The following LAMA3 variants were observed in gnomAD, a reference collection of about 807,000 sequenced individuals.
LAMA3 encodes the protein laminin subunit alpha 3.
LAMA3 carries 281 observed loss-of-function variants against 402.0 expected under a neutral mutation model. The ratio of observed to expected loss-of-function variants is 0.70; its 90% CI spans 0.63 to 0.77. The LOEUF (loss-of-function observed/expected upper bound fraction) is 0.77. Ranked by LOEUF, LAMA3 falls within the 30% of genes least tolerant of loss-of-function variation. The pLI, the probability that LAMA3 is intolerant of heterozygous loss-of-function variation, is 0.00. For synonymous variants in LAMA3, 1,431 were observed against 1,558.4 expected, an observed-to-expected ratio of 0.92 and a Z score of 1.93; for missense variants, 3,840 against 4,215.5, an observed-to-expected ratio of 0.91 and a Z score of 2.47.
Position 23,689,617 on chromosome 18 carries a change from G to A in LAMA3, c.-67G>A, listed in dbSNP as rs530324725. On this transcript the variant is annotated 5_prime_UTR_variant, in exon 1 of 75. Transcript: ENST00000313654. The stretch of plus-strand genomic sequence containing the variant: ...GGCGCTGCAGGTCCGGGAGGCGCAG[G>A]CGGAGAGCGGCGGTGCCCCCGAGCC... 8.2e-7 allele frequency: 1 copy of A among 1,225,520 alleles called. No individual in the cohort carries two copies. Among genetic ancestry groups the A allele is most frequent in the African/African-American group, 1.6e-5 (1 of 63,868 alleles). 75.9% of individuals were successfully genotyped at this position (1,225,520 alleles called of 1,614,324 possible). A position where few individuals can be genotyped will look rare whatever the true frequency, so the allele number is the denominator to read the frequency against.
intron 67 of LAMA3, among the ~76,000 whole-genome samples, chr18:23,937,901 C>T (rs937451651): frequency 1.3e-5 from 2 of 152,178 alleles, no homozygotes; most frequent in Non-Finnish European, 2.9e-5. Context: ...AAAACCCACT[C>T]CTGAAGGAAT....
intron 2 of LAMA3, among the ~76,000 whole-genome samples, chr18:23,728,805 C>T (rs191490282): frequency 7.3e-4 from 111 of 152,014 alleles, no homozygotes; most frequent in African/African-American, 2.5e-3. Flanking sequence ...CCGAGGCAGG[C>T]GGGTCACCTG....
chr18:23,826,004 T>C (rs1225323495), intron 21 of LAMA3, among the ~76,000 whole-genome samples: 1 of 152,216 alleles, frequency 6.6e-6, no homozygotes, highest in Non-Finnish European at 1.5e-5. Flanking sequence ...TACATTTCTG[T>C]CTGAGGAGAG....
intron 57 of LAMA3, 22 bp downstream of exon 57, chr18:23,914,583 C>G: frequency 6.2e-7 from 1 of 1,613,404 alleles, no homozygotes; most frequent in Non-Finnish European, 8.5e-7. Context: ...ATTGACTGTA[C>G]CTGTGCTCAC....
chr18:23,762,854 A>C, intron 7 of LAMA3, among the ~76,000 whole-genome samples: 1 of 121,648 alleles, frequency 8.2e-6, no homozygotes. Flanking sequence ...AGTAGTATAT[A>C]TATATATTTT....
intron 70 of LAMA3, chr18:23,946,540 T>G: frequency 4.1e-6 from 2 of 492,776 alleles, no homozygotes; most frequent in East Asian, 3.7e-5. Context: ...TTCCTAAACC[T>G]GAATCTATTG....
chr18:23,696,955 G>C (rs147032941), intron 1 of LAMA3, among the ~76,000 whole-genome samples: 100 of 152,290 alleles, frequency 6.6e-4, no homozygotes, highest in Middle Eastern at 3.4e-3. Flanking sequence ...CTCCACATGT[G>C]ACTGTCACTG....
chr18:23,898,448 T>A (rs1429957844), intron 44 of LAMA3: 3 of 367,000 alleles, frequency 8.2e-6, no homozygotes, highest in Non-Finnish European at 1.5e-5. Context: ...TGGAAATTAA[T>A]CAGGTAAGTA....
At chr18:23,882,111 G>A in intron 40 of LAMA3, 66 bp downstream of exon 40, 3 of 1,002,946 alleles carry the variant, frequency 3.0e-6, no homozygotes, top group South Asian at 1.3e-5. Flanking sequence ...TAGGACTAGG[G>A]GTGGGAGAGC....
chr18:23,840,222 G>A (rs2063667676), intron 27 of LAMA3, among the ~76,000 whole-genome samples: 1 of 152,024 alleles, frequency 6.6e-6, no homozygotes, highest in African/African-American at 2.4e-5. Context: ...TCCCTCCTGG[G>A]CTTTGTCCAC....
rs373464847 is a variant in LAMA3, at chr18:23,901,216, G to A, written c.6094G>A (p.Glu2032Lys). The A allele has an allele frequency of 1.5e-5, 24 of 1,614,020 alleles. No homozygotes were observed. Among genetic ancestry groups the A allele is most frequent in the East Asian group, 2.2e-5 (1 of 44,896 alleles). Residue 2032 changes from glutamate to lysine, a missense_variant, in exon 48 of 75, where the codon GAA (glutamate) becomes AAA (lysine). Around this residue, in one of 3 missense-constraint regions of LAMA3, gnomAD observed 891 missense variants for 857.5 expected, o/e 1.04. Coordinates refer to ENST00000313654, the MANE Select transcript of LAMA3 (RefSeq NM_198129.4). ...NSIRDSLNEYEAKLSDLRARL... is the reference protein window; with the variant it reads ...NSIRDSLNEYKAKLSDLRARL... ...TATCCGGGATTCTTTAAATGAATAC[G>A]AAGCCAAACTCAGTGACCTTCGTGC...
At position 23,819,915 on chromosome 18, in the gene LAMA3, GGA is replaced by G. The variant is rs779599538; in HGVS notation, c.2227_2228del (p.Asp743ProfsTer6). The G allele has an allele frequency of 1.2e-6, 2 of 1,614,090 alleles. No homozygotes were observed. The highest frequency in any genetic ancestry group is 1.7e-6 in the Non-Finnish European group (2 of 1,179,994). ...ATTGAAGACGGCAGCACACCTAATG[GGA>G]GAGACCTTCGATTTGGATTTGATCC... On this transcript the variant is annotated frameshift_variant, in exon 19 of 75. Transcript: ENST00000313654. LOFTEE classifies it high-confidence loss of function.
At chr18:23,948,524 T>C (rs1346556249) in intron 70 of LAMA3, among the ~76,000 whole-genome samples, 1 of 152,184 alleles carries the variant, frequency 6.6e-6, no homozygotes, top group Non-Finnish European at 1.5e-5. Flanking sequence ...TAGTTTACTG[T>C]TGATGCTGGC....
intron 5 of LAMA3, among the ~76,000 whole-genome samples, chr18:23,752,527 C>T (rs1034430918): frequency 3.3e-5 from 5 of 152,120 alleles, no homozygotes; most frequent in Non-Finnish European, 5.9e-5. Flanking sequence ...ACACAGATCA[C>T]GTGTGCTGCT....
At chr18:23,809,934 A>G (rs1174541567) in intron 12 of LAMA3, among the ~76,000 whole-genome samples, 2 of 152,096 alleles carry the variant, frequency 1.3e-5, no homozygotes, top group African/African-American at 2.4e-5. Context: ...AGTGAGTCAC[A>G]TCCCCCATCA....
At position 23,905,627 on chromosome 18, in the gene LAMA3, AT is replaced by A; in HGVS notation, c.6718+5del. On this transcript the variant is annotated splice_donor_region_variant and intron_variant, in intron 52 of 74. Coordinates refer to ENST00000313654, the MANE Select transcript of LAMA3 (RefSeq NM_198129.4). Reference sequence around the variant, plus strand: ...GACACAAAAGAAGCTAAAGCAAGGTATTAGGGGGAGTGGGCAATGGCAGGGA... The same window carrying A: ...GACACAAAAGAAGCTAAAGCAAGGTATAGGGGGAGTGGGCAATGGCAGGGA... 6.4e-7 allele frequency: 1 copy of A among 1,558,154 alleles called. No individual in the cohort carries two copies. The highest frequency in any genetic ancestry group is 8.8e-7 in the Non-Finnish European group (1 of 1,130,052).
intron 32 of LAMA3, among the ~76,000 whole-genome samples, chr18:23,849,667 A>G (rs1358665232): frequency 6.6e-6 from 1 of 152,220 alleles, no homozygotes; most frequent in East Asian, 1.9e-4. Flanking sequence ...TATTTTTAAC[A>G]AACTGTCACT....
chr18:23,723,627 A>ATG (rs1555678460), intron 2 of LAMA3, among the ~76,000 whole-genome samples: 32 of 152,112 alleles, frequency 2.1e-4, no homozygotes, highest in Non-Finnish European at 7.4e-5. Context: ...CTCACAGTGT[A>ATG]TGTCAGCTTG....
chr18:23,770,484 G>A (rs943376111), intron 8 of LAMA3, among the ~76,000 whole-genome samples: 13 of 152,064 alleles, frequency 8.5e-5, no homozygotes, highest in South Asian at 2.1e-4. Flanking sequence ...TAACAAGGCC[G>A]GGTGCTGTGG....
Sources: allele counts gnomAD v4.1 joint callset (sites outside exome capture counted in the v4.1 genomes callset), GRCh38; gene constraint gnomAD v4.1.1; regional missense constraint gnomAD v4.1.1; transcripts MANE v1.5; gene names NCBI Gene and HGNC (gene_info 2026-07-23, HGNC 2026-07-21).